PIGN: variants seen among roughly 807,000 people sequenced by gnomAD.
The protein encoded by PIGN is GPI ethanolamine phosphate transferase 1.
A neutral mutation model predicts 125.4 loss-of-function variants in PIGN; 117 were observed. The observed-to-expected ratio is 0.93, with a 90% CI of 0.80 to 1.09. PIGN has a LOEUF of 1.09. Among genes scored for constraint, PIGN ranks in the 50% least tolerant of loss-of-function variants. The pLI, the probability that PIGN is intolerant of heterozygous loss-of-function variation, is 0.00. For synonymous variants in PIGN, 392 were observed against 377.8 expected (o/e 1.04, Z -0.44); for missense variants, 1,075 against 1,094.9 (o/e 0.98, Z 0.26).
chr18:62,151,787 G>T (rs755218646), intron 7 of PIGN, among the ~76,000 whole-genome samples: 1 of 152,190 alleles, frequency 6.6e-6, no homozygotes, highest in Non-Finnish European at 1.5e-5. Flanking sequence ...TAAGAATTGA[G>T]GTTGCTGCAG....
intron 16 of PIGN, among the ~76,000 whole-genome samples, chr18:62,110,557 G>T (rs1473678786): frequency 6.6e-6 from 1 of 152,062 alleles, no homozygotes; most frequent in African/African-American, 2.4e-5. Flanking sequence ...TTAAGTACAG[G>T]AGATTATCCT....
intron 14 of PIGN, among the ~76,000 whole-genome samples, chr18:62,133,069 GTATTCAA>G (rs2035799832): frequency 6.6e-6 from 1 of 152,134 alleles, no homozygotes; most frequent in Non-Finnish European, 1.5e-5. Flanking sequence ...TTTCAATGCA[GTATTCAA>G]TAAATTACAT....
chr18:62,139,370 A>G (rs1442127672), intron 12 of PIGN, among the ~76,000 whole-genome samples: 2 of 152,344 alleles, frequency 1.3e-5, no homozygotes, highest in East Asian at 3.9e-4. Flanking sequence ...CGCACAAAAA[A>G]CAATTACAAT....
intron 23 of PIGN, among the ~76,000 whole-genome samples, chr18:62,036,040 C>T (rs1375734258): frequency 1.3e-5 from 2 of 152,036 alleles, no homozygotes; most frequent in African/African-American, 4.8e-5. Flanking sequence ...AAAACTGCTC[C>T]ACCTCCAGCA....
intron 27 of PIGN, 71 bp from the exon 28 acceptor site, chr18:62,082,817 T>C: frequency 2.5e-6 from 2 of 792,112 alleles, no homozygotes; most frequent in East Asian, 2.7e-5. Context: ...AAAATACTAT[T>C]TCTGCTTACA....
chr18:62,066,760 G>A (rs2032545773), intron 30 of PIGN, among the ~76,000 whole-genome samples: 2 of 152,030 alleles, frequency 1.3e-5, no homozygotes, highest in Admixed American at 1.3e-4. Flanking sequence ...ACTCCATTTG[G>A]GCCCCACATA....
intron 30 of PIGN, among the ~76,000 whole-genome samples, chr18:62,062,417 A>G (rs1481247035): frequency 6.6e-6 from 1 of 152,192 alleles, no homozygotes; most frequent in Non-Finnish European, 1.5e-5. Flanking sequence ...ATCCCGTTTA[A>G]CCTATGGGGG....
intron 6 of PIGN, among the ~76,000 whole-genome samples, chr18:62,155,007 A>C (rs149922730): frequency 2.6e-5 from 4 of 152,300 alleles, no homozygotes; most frequent in African/African-American, 9.6e-5. Context: ...TATTCAAAAC[A>C]TGTGTGCCCC....
In PIGN at chr18:62,087,541, A is replaced by C. The variant is rs141040336; in HGVS notation, c.2370+1215T>G. ...AAAATTAAACAGAAAGGACAAGATG[A>C]AATTATAATTTAGGGAAATGCAAGG... On this transcript the variant is annotated intron_variant, in intron 25 of 30. Transcript: ENST00000640252. Among the ~76,000 whole-genome samples the C allele has an allele frequency of 1.2e-3, 184 of 152,370 alleles. 1 individual carries two copies. The highest frequency in any genetic ancestry group is 4.3e-3 in the African/African-American group (177 of 41,584).
chr18:62,152,931 C>T (rs1182389531), intron 7 of PIGN, among the ~76,000 whole-genome samples: 1 of 151,840 alleles, frequency 6.6e-6, no homozygotes, highest in Non-Finnish European at 1.5e-5. Flanking sequence ...GATCTGGAAA[C>T]TGTTTGGCTT....
intron 28 of PIGN, chr18:62,075,190 T>C (rs12961825): frequency 0.026 from 4,791 of 183,814 alleles, 98 homozygotes; most frequent in Non-Finnish European, 0.038. Flanking sequence ...TGTAAAACCA[T>C]AGTATAATAT....
At chr18:62,097,415 C>T (rs2034255563) in intron 22 of PIGN, among the ~76,000 whole-genome samples, 1 of 139,480 alleles carries the variant, frequency 7.2e-6, no homozygotes, top group Admixed American at 7.5e-5. Flanking sequence ...ATTAAAAAGT[C>T]AGGAAACAAC....
chr18:62,129,698 T>C (rs869079058), intron 14 of PIGN, among the ~76,000 whole-genome samples: 2 of 152,208 alleles, frequency 1.3e-5, no homozygotes, highest in Non-Finnish European at 2.9e-5. Flanking sequence ...TTTTCCAACA[T>C]CAGTATAGTG....
chr18:62,102,018 A>G (rs1390898217), intron 21 of PIGN, among the ~76,000 whole-genome samples: 2 of 152,090 alleles, frequency 1.3e-5, no homozygotes, highest in African/African-American at 4.8e-5. Flanking sequence ...ACCTGAGGTC[A>G]GGAGTTCAAG....
chr18:62,171,208 T>C (rs1159234351), intron 1 of PIGN, among the ~76,000 whole-genome samples: 5 of 152,258 alleles, frequency 3.3e-5, no homozygotes, highest in African/African-American at 4.8e-5. Context: ...ATAGGTCTTG[T>C]ACATCATTTT....
At chr18:62,168,844 C>T (rs1477061938) in intron 1 of PIGN, among the ~76,000 whole-genome samples, 2 of 146,442 alleles carry the variant, frequency 1.4e-5, no homozygotes, top group African/African-American at 5.0e-5. Context: ...ATTTCCTAGA[C>T]AACCACTAAT....
chr18:62,057,009 C>A (rs945053309), intron 30 of PIGN, among the ~76,000 whole-genome samples: 5 of 152,186 alleles, frequency 3.3e-5, no homozygotes, highest in Admixed American at 2.0e-4. Flanking sequence ...CTGGCCCCTG[C>A]ACCCTTCACC....
rs746766305 is a variant in PIGN at position 62,146,979 on chromosome 18, G to A, written c.797C>T (p.Thr266Ile). The A allele has an allele frequency of 6.2e-7, 1 of 1,611,832 alleles. No homozygotes were observed. ...TFIFTSDHGMTDWGSHGAGHP... is the reference protein window; with the variant it reads ...TFIFTSDHGMIDWGSHGAGHP... ...ATTAAAGACACACTAACCCCAGTCT[G>A]TCATTCCATGGTCAGAGGTAAAGAT... Residue 266 changes from threonine to isoleucine, a missense_variant, in exon 9 of 31, where the codon ACA (threonine) becomes ATA (isoleucine). Thr to Ile is a moderately conservative substitution (Grantham distance 89). Transcript: ENST00000640252.
In PIGN at chr18:62,043,232, C is replaced by T. The variant is rs1265785170; in HGVS notation, c.*2624G>A. On this transcript the variant is annotated 3_prime_UTR_variant, in exon 31 of 31. Transcript: ENST00000640252. The stretch of plus-strand genomic sequence containing the variant: ...ATGGCATCTAGTGTGAATATGGGAG[C>T]TCACCAGGTTCTCCCAAGGACAGGG... The T allele has an allele frequency of 6.6e-6, 1 of 152,172 alleles. No homozygotes were observed. The highest frequency in any genetic ancestry group is 1.5e-5 in the Non-Finnish European group (1 of 68,034). 9.4% of individuals were successfully genotyped at this position (152,172 alleles called of 1,614,324 possible).
Sources: allele counts gnomAD v4.1 joint callset (sites outside exome capture counted in the v4.1 genomes callset), GRCh38; gene constraint gnomAD v4.1.1; transcripts MANE v1.5; gene names NCBI Gene and HGNC (gene_info 2026-07-23, HGNC 2026-07-21).